The following GPM6A variants were observed in gnomAD, a reference collection of about 807,000 sequenced individuals.
GPM6A encodes the protein glycoprotein M6A, also known as neuronal membrane glycoprotein M6-a.
Under a neutral mutation model 32.1 loss-of-function variants are expected in GPM6A, and 7 were observed. The observed-to-expected ratio is 0.22, with a 90% CI of 0.12 to 0.41. The LOEUF (loss-of-function observed/expected upper bound fraction) is 0.41. Ranked by LOEUF, GPM6A falls within the 10% of genes least tolerant of loss-of-function variation. The pLI is 1.00. For synonymous variants in GPM6A, 130 were observed against 123.4 expected (o/e 1.05, Z -0.35); for missense variants, 235 against 347.2 (o/e 0.68, Z 2.57).
chr4:175,870,925 A>G (rs533279705), intron 1 of GPM6A, among the ~76,000 whole-genome samples: 4 of 152,216 alleles, frequency 2.6e-5, no homozygotes, highest in South Asian at 4.1e-4. Flanking sequence ...CACACAAAAC[A>G]TTTATGACAA....
chr4:175,676,154 T>C lies in GPM6A; in HGVS notation c.231-2318A>G, dbSNP rs566617535. 9.2e-5 allele frequency among the ~76,000 whole-genome samples: 14 copies of C among 152,308 alleles called. No homozygotes were observed. The South Asian group carries it at 2.3e-3, about 25-fold the overall frequency. The stretch of plus-strand genomic sequence containing the variant: ...AACGTGTTTGCTTCCCCTTCCACCA[T>C]GGTTGTAAGTTTCCTGAGGCCTCTC... On this transcript the variant is annotated intron_variant, in intron 2 of 6. Transcript: ENST00000393658.
At chr4:175,902,533 G>A (rs1737999251) in intron 1 of GPM6A, among the ~76,000 whole-genome samples, 1 of 152,098 alleles carries the variant, frequency 6.6e-6, no homozygotes, top group Non-Finnish European at 1.5e-5. Context: ...GTACAGTAAG[G>A]AATAGGCAAC....
At chr4:175,905,338 C>G (rs1382110583) in intron 1 of GPM6A, among the ~76,000 whole-genome samples, 11 of 152,136 alleles carry the variant, frequency 7.2e-5, no homozygotes, top group Non-Finnish European at 1.2e-4. Context: ...CAGCCCAACA[C>G]AAATTCATAA....
intron 1 of GPM6A, among the ~76,000 whole-genome samples, chr4:175,922,578 G>T (rs1738703540): frequency 6.6e-6 from 1 of 152,138 alleles, no homozygotes; most frequent in Admixed American, 6.5e-5. Context: ...ATCTGATATT[G>T]GAGAAATGAA....
chr4:175,992,950 A>G (rs989605997), intron 1 of GPM6A, among the ~76,000 whole-genome samples: 1 of 152,222 alleles, frequency 6.6e-6, no homozygotes, highest in South Asian at 2.1e-4. Context: ...TAATAAATGT[A>G]TATCATTAGA....
intron 1 of GPM6A, among the ~76,000 whole-genome samples, chr4:175,767,460 C>A (rs562641353): frequency 4.1e-4 from 62 of 152,342 alleles, no homozygotes; most frequent in African/African-American, 1.3e-3. Context: ...GACTGGGCAG[C>A]TTTACCATGA....
intron 3 of GPM6A, among the ~76,000 whole-genome samples, chr4:175,658,823 T>C (rs1406995302): frequency 6.6e-6 from 1 of 152,216 alleles, no homozygotes; most frequent in Non-Finnish European, 1.5e-5. Context: ...ACGATCTAAG[T>C]GTTCACTGTG....
At chr4:175,877,928 T>C (rs893763038) in intron 1 of GPM6A, among the ~76,000 whole-genome samples, 1 of 151,998 alleles carries the variant, frequency 6.6e-6, no homozygotes, top group African/African-American at 2.4e-5. Flanking sequence ...CTAGATACAA[T>C]GGGGTAAAGG....
rs141759165 is a variant in GPM6A at position 175,987,712 on chromosome 4, C to G, written c.-23+14597G>C. ...AACTTAGGGATAATAGATCCTTTCTCCAATTTAGTGGATCTAGAAGTTGAG... is the reference window on the plus strand; with the variant it reads ...AACTTAGGGATAATAGATCCTTTCTGCAATTTAGTGGATCTAGAAGTTGAG... On this transcript the variant is annotated intron_variant, in intron 1 of 7. Coordinates refer to the GPM6A transcript ENST00000280187. Among the ~76,000 whole-genome samples the G allele has an allele frequency of 8.2e-4, 125 of 152,130 alleles. 1 individual carries two copies. Among genetic ancestry groups the G allele is most frequent in the African/African-American group, 2.7e-3 (114 of 41,514 alleles).
intron 3 of GPM6A, among the ~76,000 whole-genome samples, chr4:175,670,391 T>C (rs1318517231): frequency 6.6e-6 from 1 of 152,222 alleles, no homozygotes; most frequent in Non-Finnish European, 1.5e-5. Flanking sequence ...TCTCAAGATT[T>C]GAAAATGTGA....
At chr4:175,686,631 C>G (rs1223289538) in intron 2 of GPM6A, among the ~76,000 whole-genome samples, 1 of 152,238 alleles carries the variant, frequency 6.6e-6, no homozygotes, top group African/African-American at 2.4e-5. Flanking sequence ...CCCTACCAAT[C>G]TCCGGGAAGA....
At chr4:175,943,774 C>T (rs763872385) in intron 1 of GPM6A, among the ~76,000 whole-genome samples, 8 of 152,044 alleles carry the variant, frequency 5.3e-5, no homozygotes, top group Admixed American at 2.6e-4. Flanking sequence ...CTGCTGGATT[C>T]GGTTTGCCAG....
intron 1 of GPM6A, among the ~76,000 whole-genome samples, chr4:175,791,114 A>T (rs1733996963): frequency 6.6e-6 from 1 of 152,148 alleles, no homozygotes; most frequent in African/African-American, 2.4e-5. Flanking sequence ...ATTTATAATC[A>T]TGTTATGCAT....
Position 175,637,265 on chromosome 4 carries a change from T to A in GPM6A, c.685-2208A>T, listed in dbSNP as rs1256440248. ...TATATTATATATAATATAAAATATA[T>A]ATTATATATTATATATTATATAAAA... On this transcript the variant is annotated intron_variant, in intron 6 of 6. Coordinates refer to ENST00000393658, the MANE Select transcript of GPM6A (RefSeq NM_201591.3). Among the ~76,000 whole-genome samples the A allele has an allele frequency of 5.2e-5, 3 of 57,922 alleles. 1 individual carries two copies. The highest frequency in any genetic ancestry group is 9.3e-5 in the Non-Finnish European group (3 of 32,338). 38.0% of individuals were successfully genotyped at this position (57,922 alleles called of 152,430 possible). A position where few individuals can be genotyped will look rare whatever the true frequency, so the allele number is the denominator to read the frequency against.
intron 1 of GPM6A, among the ~76,000 whole-genome samples, chr4:175,727,505 A>G (rs541314364): frequency 6.6e-6 from 1 of 152,240 alleles, no homozygotes; most frequent in Non-Finnish European, 1.5e-5. Context: ...AAATTGGACA[A>G]TTTCTGGTCT....
intron 1 of GPM6A, among the ~76,000 whole-genome samples, chr4:175,869,984 T>A (rs1736856738): frequency 6.6e-6 from 1 of 152,214 alleles, no homozygotes; most frequent in Admixed American, 6.5e-5. Flanking sequence ...GCACTGGGAT[T>A]TGAACCCAAG....
intron 1 of GPM6A, among the ~76,000 whole-genome samples, chr4:175,993,328 C>A (rs1186567577): frequency 6.6e-6 from 1 of 151,984 alleles, no homozygotes; most frequent in African/African-American, 2.4e-5. Flanking sequence ...CCTTTCTGTT[C>A]TTTCTGTTGC....
At chr4:175,704,738 A>G (rs1475559008) in intron 1 of GPM6A, among the ~76,000 whole-genome samples, 2 of 152,144 alleles carry the variant, frequency 1.3e-5, no homozygotes, top group Non-Finnish European at 2.9e-5. Flanking sequence ...GGAGATTTCT[A>G]CTGCAGACAA....
intron 2 of GPM6A, among the ~76,000 whole-genome samples, chr4:175,684,355 A>G (rs1429022887): frequency 1.3e-5 from 2 of 152,212 alleles, no homozygotes; most frequent in South Asian, 2.1e-4. Flanking sequence ...CTGGGATTTT[A>G]TCACAGTTAG....
Sources: gnomAD v4.1 joint callset for allele counts (sites outside exome capture counted in the v4.1 genomes callset) on GRCh38, gnomAD v4.1.1 for gene constraint, MANE v1.5 for transcripts, NCBI Gene and HGNC (gene_info 2026-07-23, HGNC 2026-07-21) for gene names.